The following ATR variants were observed in gnomAD, a reference collection of about 807,000 sequenced individuals.
ATR encodes the protein serine/threonine-protein kinase ATR.
A neutral mutation model predicts 305.3 loss-of-function variants in ATR; 142 were observed. The ratio of observed to expected loss-of-function variants is 0.47; its 90% CI spans 0.41 to 0.53. The LOEUF is 0.53. Among genes scored for constraint, ATR ranks in the 20% least tolerant of loss-of-function variants. The pLI, the probability that ATR is intolerant of heterozygous loss-of-function variation, is 0.00. For synonymous variants in ATR, 1,050 were observed against 1,068.1 expected, an observed-to-expected ratio of 0.98 and a Z score of 0.33; for missense variants, 2,135 against 3,133.1, an observed-to-expected ratio of 0.68 and a Z score of 7.60.
rs138350940 is a variant in ATR at position 142,513,527 on chromosome 3, C to T, written c.4615G>A (p.Gly1539Ser). ...LPHILVYVLL[G>S]CNQEDQQEVY... is the part of the protein sequence containing the mutation. ...TCCTGCTGATCTTCTTGATTACAAC[C>T]CAGTAAGACATACACCAGAATATGT... The change falls in exon 26 of 47, where the codon GGT (glycine) becomes AGT (serine). Residue 1539 changes from glycine (G) to serine (S), a missense_variant. This residue lies in a region of ATR where 202 missense variants were observed against 252.9 expected (regional missense o/e 0.80). Transcript: ENST00000350721. The T allele has an allele frequency of 8.4e-5, 136 of 1,613,468 alleles. No individual in the cohort carries two copies. In the African/African-American group the frequency reaches 1.2e-3, roughly 14 times the overall value.
At chr3:142,494,447 A>G (rs1248054368) in intron 34 of ATR, among the ~76,000 whole-genome samples, 1 of 152,258 alleles carries the variant, frequency 6.6e-6, no homozygotes, top group African/African-American at 2.4e-5. Context: ...ACAGAGGAAT[A>G]TACATCAGCA....
At chr3:142,566,454 A>G (rs2035074820) in intron 2 of ATR, among the ~76,000 whole-genome samples, 193 bp from the exon 3 acceptor site, 1 of 152,172 alleles carries the variant, frequency 6.6e-6, no homozygotes, top group African/African-American at 2.4e-5. Context: ...TCCCGTCTCT[A>G]CAAAAAAAAT....
chr3:142,469,432 G>A lies in ATR; in HGVS notation c.6457C>T (p.His2153Tyr), dbSNP rs747991579. The A allele has an allele frequency of 3.1e-6, 5 of 1,613,916 alleles. No individual in the cohort carries two copies. The South Asian group carries it at 5.5e-5, about 18-fold the overall frequency. The change falls in exon 38 of 47, where the codon CAC becomes TAC. Residue 2153 changes from histidine (H) to tyrosine (Y), a missense_variant. By Grantham distance (83) the His-to-Tyr change is moderately conservative (BLOSUM62 2). Coordinates refer to ENST00000350721, the MANE Select transcript of ATR (RefSeq NM_001184.4). Reference protein sequence around the residue: ...SQLISRICHSHDEVFVVLMEI... With the variant: ...SQLISRICHSYDEVFVVLMEI... ...ATCAAGACAACAAAAACTTCATCGT[G>A]AGAATGACAAATTCGAGAGATCAAT...
intron 13 of ATR, among the ~76,000 whole-genome samples, chr3:142,552,047 G>A (rs2034489232): frequency 3.3e-5 from 5 of 151,942 alleles, no homozygotes; most frequent in African/African-American, 7.3e-5. Flanking sequence ...GCCAGCCAAC[G>A]AACATGAAAA....
In ATR at chr3:142,451,092, C is replaced by A; in HGVS notation, c.7762-1490G>T. On this transcript the variant is annotated intron_variant, in intron 46 of 46. Coordinates refer to ENST00000350721, the MANE Select transcript of ATR (RefSeq NM_001184.4). ...GGCCTGGCTGGTTTGTCTACCTGGT[C>A]AATTGTGAAACAGCCCCTGCTGCTC... is the stretch of plus-strand genomic sequence containing the variant. The A allele has an allele frequency of 3.1e-6, 4 of 1,277,534 alleles. No individual in the cohort carries two copies. In the South Asian group the frequency reaches 5.5e-5, roughly 18 times the overall value. The allele number at this position is 1,277,534 out of a possible 1,614,324, so 79.1% of individuals were successfully genotyped here.
rs2108432091 is a variant in ATR, at chr3:142,538,482, C to G, written c.3725G>C (p.Arg1242Thr). 6.2e-7 allele frequency: 1 copy of G among 1,611,274 alleles called. No individual in the cohort carries two copies. The highest frequency in any genetic ancestry group is 8.5e-7 in the Non-Finnish European group (1 of 1,177,922). ...TTACTATTAATTTCAGTTACAATAC[C>G]TGTTTTCAATTATGAGGTAGTGGAA... ...AIFHYLIIENRDAVQDFLHEI... is the reference protein window; with the variant it reads ...AIFHYLIIENTDAVQDFLHEI... Residue 1242 changes from arginine to threonine, a missense_variant and splice_region_variant, in exon 19 of 47, where the codon AGG (arginine) becomes ACG (threonine). Transcript: ENST00000350721.
intron 44 of ATR, 119 bp from the exon 45 acceptor site, chr3:142,457,874 G>T: frequency 8.7e-7 from 1 of 1,147,796 alleles, no homozygotes; most frequent in Non-Finnish European, 1.2e-6. Context: ...AAATATTTAT[G>T]TTGTAATTAC....
Position 142,554,152 on chromosome 3 carries a change from G to GTA in ATR, c.2342-139_2342-138dup, listed in dbSNP as rs1577686112. 1.8e-5 allele frequency: 12 copies of GTA among 650,598 alleles called. No homozygotes were observed. In the East Asian group the frequency reaches 3.6e-4, roughly 20 times the overall value. 40.3% of individuals were successfully genotyped at this position (650,598 alleles called of 1,614,324 possible). A position where few individuals can be genotyped will look rare whatever the true frequency, so the allele number is the denominator to read the frequency against. The stretch of plus-strand genomic sequence containing the variant: ...ATGTCAATGTTTCATATTTAAGTAT[G>GTA]TATAGCACACAGAATTTTAGGAAAT... On this transcript the variant is annotated intron_variant, in intron 10 of 46. Coordinates refer to ENST00000350721, the MANE Select transcript of ATR (RefSeq NM_001184.4).
In ATR at chr3:142,560,310, T is replaced by C. The variant is rs749548430; in HGVS notation, c.1494A>G (p.Gln498=). Residue 498 remains glutamine (Q), a synonymous_variant, in exon 6 of 47, where the codon CAA becomes CAG. Transcript: ENST00000350721. ...AATGAACAGTACACAGAGCAGTCAG[T>C]TGTAAGACAACAGCAATTCCTTCTA... is the stretch of plus-strand genomic sequence containing the variant. ...EMLEGIAVVL[Q]LTALCTVHCS... is the part of the protein sequence containing the mutation. The C allele has an allele frequency of 6.2e-7, 1 of 1,613,896 alleles. No individual in the cohort carries two copies.
intron 2 of ATR, among the ~76,000 whole-genome samples, chr3:142,567,024 G>A (rs2035098891): frequency 1.3e-5 from 2 of 152,114 alleles, no homozygotes; most frequent in Admixed American, 6.5e-5. Context: ...GATTACAGGC[G>A]TGAGCCACCG....
chr3:142,535,343 C>T, intron 20 of ATR, 138 bp from the exon 21 acceptor site: 1 of 932,440 alleles, frequency 1.1e-6, no homozygotes, highest in Non-Finnish European at 1.6e-6. Flanking sequence ...TCCATTCCTT[C>T]CTTTGTACAG....
chr3:142,452,731 T>C (rs970037910), intron 46 of ATR: 1 of 1,065,270 alleles, frequency 9.4e-7, no homozygotes, highest in East Asian at 8.2e-5. Flanking sequence ...CTGCAAACTT[T>C]GCAGCTTCAA....
intron 21 of ATR, among the ~76,000 whole-genome samples, chr3:142,531,122 T>C (rs534274170): frequency 2.6e-5 from 4 of 152,204 alleles, no homozygotes; most frequent in Admixed American, 2.6e-4. Context: ...GTGTAAATTA[T>C]GTGTGGTTTC....
At chr3:142,542,460 T>G (rs1216632741) in intron 17 of ATR, among the ~76,000 whole-genome samples, 2 of 152,236 alleles carry the variant, frequency 1.3e-5, no homozygotes. Context: ...CACTTTGGGT[T>G]GGGTGTTCTA....
In ATR at chr3:142,562,298, C is replaced by T; in HGVS notation, c.1104G>A (p.Arg368=). ...PAGYESALQV[R]KVYVRNICKA... is the part of the protein sequence containing the mutation. The stretch of plus-strand genomic sequence containing the variant: ...TACAAATATTTCTCACATAGACCTT[C>T]CTGACTTGTAAAGCAGATTCATACC... The change falls in exon 4 of 47, where the codon AGG becomes AGA. Residue 368 remains arginine (R), a synonymous_variant. Coordinates refer to ENST00000350721, the MANE Select transcript of ATR (RefSeq NM_001184.4). The T allele has an allele frequency of 1.2e-6, 2 of 1,614,124 alleles. No individual in the cohort carries two copies. Among genetic ancestry groups the T allele is most frequent in the South Asian group, 2.2e-5 (2 of 91,078 alleles).
intron 10 of ATR, among the ~76,000 whole-genome samples, chr3:142,554,798 A>G (rs756976467): frequency 2.0e-5 from 3 of 151,500 alleles, no homozygotes; most frequent in Non-Finnish European, 2.9e-5. Context: ...GGCACATACT[A>G]TGGTTCCAGC....
At chr3:142,529,141 A>G (rs1300157189) in intron 21 of ATR, among the ~76,000 whole-genome samples, 2 of 151,604 alleles carry the variant, frequency 1.3e-5, no homozygotes, top group East Asian at 3.9e-4. Flanking sequence ...TGGCCTCCCA[A>G]AGTGCTGGGA....
At position 142,553,932 on chromosome 3, in the gene ATR, A is replaced by C. The variant is rs2034570567; in HGVS notation, c.2425T>G (p.Leu809Val). The C allele has an allele frequency of 6.2e-7, 1 of 1,611,646 alleles. No homozygotes were observed. Among genetic ancestry groups the C allele is most frequent in the Admixed American group, 1.7e-5 (1 of 59,820 alleles). The change falls in exon 11 of 47, where the codon TTA becomes GTA. Residue 809 changes from leucine to valine, a missense_variant. Coordinates refer to ENST00000350721, the MANE Select transcript of ATR (RefSeq NM_001184.4). ...TCTGGATCTTCCATTAAATTTAATA[A>C]AGTTCCAAGAACTGCTTTTACATCT... Reference protein sequence around the residue: ...ETDVKAVLGTLLNLMEDPDKD... With the variant: ...ETDVKAVLGTVLNLMEDPDKD...
At chr3:142,568,780 G>C (rs1487975533) in intron 1 of ATR, among the ~76,000 whole-genome samples, 1 of 152,238 alleles carries the variant, frequency 6.6e-6, no homozygotes, top group Non-Finnish European at 1.5e-5. Context: ...TCGGAGCAAA[G>C]TTGTGGGGGA....
Sources: allele counts gnomAD v4.1 joint callset (sites outside exome capture counted in the v4.1 genomes callset), GRCh38; gene constraint gnomAD v4.1.1; regional missense constraint gnomAD v4.1.1; transcripts MANE v1.5; gene names NCBI Gene and HGNC (gene_info 2026-07-23, HGNC 2026-07-21).